ELMO1: variants seen among roughly 807,000 people sequenced by gnomAD.
The protein encoded by ELMO1 is engulfment and cell motility protein 1.
Under a neutral mutation model 98.9 loss-of-function variants are expected in ELMO1, and 26 were observed. The ratio of observed to expected loss-of-function variants is 0.26; its 90% confidence interval spans 0.19 to 0.36. The LOEUF (loss-of-function observed/expected upper bound fraction) is 0.36. Ranked by LOEUF, ELMO1 falls within the 10% of genes least tolerant of loss-of-function variation. The probability of loss-of-function intolerance (pLI) is 1.00; values close to 1 mark genes in which losing one functional copy is unlikely to be tolerated. For missense variants in ELMO1, 627 were observed against 935.2 expected, an observed-to-expected ratio of 0.67 and a Z score of 4.30; for synonymous variants, 346 against 346.0, an observed-to-expected ratio of 1.00 and a Z score of 0.00.
chr7:37,330,818 G>A (rs1800062827), intron 2 of ELMO1, among the ~76,000 whole-genome samples: 1 of 152,100 alleles, frequency 6.6e-6, no homozygotes. Context: ...AGCTTCTCTT[G>A]GGTATATCTG....
chr7:37,389,161 G>T (rs919174257), intron 1 of ELMO1, among the ~76,000 whole-genome samples: 3 of 152,140 alleles, frequency 2.0e-5, no homozygotes, highest in Non-Finnish European at 4.4e-5. Flanking sequence ...ATTAGAGAGG[G>T]CTAATTTGTG....
At chr7:37,117,649 T>G (rs1240319381) in intron 14 of ELMO1, among the ~76,000 whole-genome samples, 1 of 152,142 alleles carries the variant, frequency 6.6e-6, no homozygotes, top group Non-Finnish European at 1.5e-5. Flanking sequence ...TTATTCACAA[T>G]CAACGAAATT....
intron 15 of ELMO1, among the ~76,000 whole-genome samples, chr7:37,071,547 C>T (rs1299521248): frequency 2.6e-5 from 4 of 152,172 alleles, no homozygotes; most frequent in East Asian, 3.8e-4. Context: ...GAGAATTCAA[C>T]TCCAGAGAGA....
At chr7:37,079,525 C>T (rs1797751844) in intron 15 of ELMO1, among the ~76,000 whole-genome samples, 2 of 152,176 alleles carry the variant, frequency 1.3e-5, no homozygotes, top group Non-Finnish European at 1.5e-5. Flanking sequence ...GCATGCATCT[C>T]TACTAATAGT....
At chr7:37,283,198 A>C (rs1562580531) in intron 4 of ELMO1, among the ~76,000 whole-genome samples, 1 of 152,206 alleles carries the variant, frequency 6.6e-6, no homozygotes, top group Admixed American at 6.5e-5. Flanking sequence ...TCAGTGTTTT[A>C]ATCAAGGACT....
intron 16 of ELMO1, among the ~76,000 whole-genome samples, chr7:37,007,635 T>G (rs757170557): frequency 3.9e-5 from 6 of 152,202 alleles, no homozygotes; most frequent in Non-Finnish European, 5.9e-5. Flanking sequence ...CTGAAAAGCA[T>G]GCACAGAAAG....
intron 5 of ELMO1, among the ~76,000 whole-genome samples, chr7:37,262,452 A>G (rs1332751630): frequency 2.6e-5 from 4 of 152,160 alleles, no homozygotes; most frequent in African/African-American, 7.2e-5. Context: ...TCATAGACTC[A>G]ATGGCCTGGA....
chr7:36,936,293 G>A (rs1040675208), intron 16 of ELMO1, among the ~76,000 whole-genome samples: 1 of 152,052 alleles, frequency 6.6e-6, no homozygotes, highest in African/African-American at 2.4e-5. Context: ...CCTCACTACT[G>A]CCACCCCCTT....
chr7:37,054,985 T>A (rs545947851), intron 15 of ELMO1, among the ~76,000 whole-genome samples: 2 of 152,376 alleles, frequency 1.3e-5, no homozygotes, highest in African/African-American at 2.4e-5. Context: ...GGAATGCTAC[T>A]GCTTAAAAAC....
At chr7:36,939,855 T>C (rs887990039) in intron 16 of ELMO1, among the ~76,000 whole-genome samples, 3 of 152,228 alleles carry the variant, frequency 2.0e-5, no homozygotes, top group Admixed American at 6.5e-5. Context: ...TGACCCACAA[T>C]AAGAAAACAA....
In ELMO1 at chr7:37,188,495, A is replaced by ATAAT. The variant is rs1554438141; in HGVS notation, c.1086+22890_1086+22891insATTA. Among the ~76,000 whole-genome samples the ATAAT allele has an allele frequency of 1.8e-3, 118 of 65,620 alleles. 2 individuals are homozygous for ATAAT. The East Asian group carries it at 0.063, about 35-fold the overall frequency. The allele number at this position is 65,620 out of a possible 152,430, so 43.0% of individuals were successfully genotyped here. ...AGGCCACTGGAGAAAGGTAAAAAAAAAAAAAAAATAATAATAATAATAATA... is the reference window on the plus strand; with the variant it reads ...AGGCCACTGGAGAAAGGTAAAAAAAATAATAAAAAAAATAATAATAATAATAATA... On this transcript the variant is annotated intron_variant, in intron 13 of 21. Transcript: ENST00000310758.
At chr7:36,998,584 G>A (rs1411642352) in intron 16 of ELMO1, among the ~76,000 whole-genome samples, 2 of 151,846 alleles carry the variant, frequency 1.3e-5, no homozygotes, top group African/African-American at 4.8e-5. Context: ...TTGCATGTAT[G>A]TTCATTTCCA....
At chr7:37,312,215 C>T (rs1011719563) in intron 4 of ELMO1, among the ~76,000 whole-genome samples, 12 of 152,198 alleles carry the variant, frequency 7.9e-5, no homozygotes, top group Non-Finnish European at 1.5e-4. Flanking sequence ...GCCTCAGCCT[C>T]CTGAGTGGGA....
At chr7:37,392,796 TTGA>T (rs1281059605) in intron 1 of ELMO1, among the ~76,000 whole-genome samples, 1 of 152,264 alleles carries the variant, frequency 6.6e-6, no homozygotes, top group Non-Finnish European at 1.5e-5. Flanking sequence ...ACCAGTGGTC[TTGA>T]TGATATTTCC....
chr7:37,346,260 C>G (rs1179797529), intron 1 of ELMO1, among the ~76,000 whole-genome samples: 1 of 152,170 alleles, frequency 6.6e-6, no homozygotes, highest in Non-Finnish European at 1.5e-5. Flanking sequence ...TCCCTGCACA[C>G]CTATTCAGAG....
chr7:36,960,097 C>T (rs1788814079), intron 16 of ELMO1, among the ~76,000 whole-genome samples: 1 of 152,198 alleles, frequency 6.6e-6, no homozygotes, highest in South Asian at 2.1e-4. Flanking sequence ...TCTAAATGTG[C>T]CTACAGCCCC....
At chr7:37,166,078 T>G (rs555756338) in intron 13 of ELMO1, among the ~76,000 whole-genome samples, 37 of 152,344 alleles carry the variant, frequency 2.4e-4, no homozygotes, top group African/African-American at 7.5e-4. Flanking sequence ...AGAGTGTATG[T>G]GTCGAGGAAT....
At chr7:37,355,691 T>G (rs1410135797) in intron 1 of ELMO1, among the ~76,000 whole-genome samples, 1 of 152,152 alleles carries the variant, frequency 6.6e-6, no homozygotes, top group Non-Finnish European at 1.5e-5. Context: ...TGATGGAAAA[T>G]AAGAGAACCA....
chr7:37,043,833 G>C (rs1377165363), intron 15 of ELMO1, among the ~76,000 whole-genome samples: 1 of 151,934 alleles, frequency 6.6e-6, no homozygotes, highest in African/African-American at 2.4e-5. Flanking sequence ...TAGCTTTGCT[G>C]CCTGCTTTAG....
Sources: gnomAD v4.1 joint callset for allele counts (sites outside exome capture counted in the v4.1 genomes callset) on GRCh38, gnomAD v4.1.1 for gene constraint, MANE v1.5 for transcripts, NCBI Gene and HGNC (gene_info 2026-07-23, HGNC 2026-07-21) for gene names.